Variants in SOX5 observed in about 807,000 individuals in gnomAD.
SOX5 encodes transcription factor SOX-5.
A neutral mutation model predicts 92.0 loss-of-function variants in SOX5; 9 were observed. The observed-to-expected ratio is 0.10, with a 90% CI of 0.06 to 0.17. The LOEUF (loss-of-function observed/expected upper bound fraction) is 0.17. Among genes scored for constraint, SOX5 ranks in the 10% least tolerant of loss-of-function variants. The probability of loss-of-function intolerance (pLI) is 1.00; values close to 1 mark genes in which losing one functional copy is unlikely to be tolerated. For missense variants in SOX5, 642 were observed against 944.5 expected, an observed-to-expected ratio of 0.68 and a Z score of 4.20; for synonymous variants, 344 against 336.3, an observed-to-expected ratio of 1.02 and a Z score of -0.25.
At position 23,534,171 on chromosome 12, in the gene SOX5, G is replaced by C. The variant is rs1054672949; in HGVS notation, c.*48C>G. 1 of 1,515,846 alleles carries C rather than the reference G, an allele frequency of 6.6e-7. No homozygotes were observed. The highest frequency in any genetic ancestry group is 1.7e-5 in the Admixed American group (1 of 58,398). The allele number at this position is 1,515,846 out of a possible 1,614,324, so 93.9% of individuals were successfully genotyped here. The stretch of plus-strand genomic sequence containing the variant: ...CTTGGCCACTGGTAAGGATGAACCA[G>C]TTAGGGCTTCTTTAAGTCCTAAGGT... On this transcript the variant is annotated 3_prime_UTR_variant, in exon 15 of 15. Transcript: ENST00000451604.
intron 1 of SOX5, among the ~76,000 whole-genome samples, chr12:24,476,563 T>C (rs1318025104): frequency 6.6e-6 from 1 of 152,154 alleles, no homozygotes; most frequent in Non-Finnish European, 1.5e-5. Flanking sequence ...AGTGAACCTA[T>C]GTCACTGTAG....
intron 10 of SOX5, among the ~76,000 whole-genome samples, chr12:23,563,712 C>T (rs914058831): frequency 3.3e-5 from 5 of 151,948 alleles, no homozygotes; most frequent in East Asian, 3.8e-4. Context: ...AGTTATTATT[C>T]GAATATTATT....
At position 24,429,353 on chromosome 12, in the gene SOX5, A is replaced by T. The variant is rs74991473; in HGVS notation, c.-250-60714T>A. The stretch of plus-strand genomic sequence containing the variant: ...AAAACAAAAAAACAAAAACAAAACA[A>T]CAACAAAAAAAAGGTGTTGGAATAG... On this transcript the variant is annotated intron_variant, in intron 1 of 4. Transcript: ENST00000446891. Among the ~76,000 whole-genome samples, 697 of 151,824 alleles carry T rather than the reference A, an allele frequency of 4.6e-3. 10 individuals carry two copies. The East Asian group carries it at 0.05, about 11-fold the overall frequency.
At chr12:23,893,384 T>C (rs2097147882) in intron 2 of SOX5, among the ~76,000 whole-genome samples, 1 of 151,722 alleles carries the variant, frequency 6.6e-6, no homozygotes, top group African/African-American at 2.4e-5. Flanking sequence ...AGGTGGAGGT[T>C]GCAGTGAGCT....
chr12:23,664,952 C>T (rs1202567163), intron 7 of SOX5, among the ~76,000 whole-genome samples: 1 of 152,064 alleles, frequency 6.6e-6, no homozygotes, highest in African/African-American at 2.4e-5. Flanking sequence ...AGAAGCACTT[C>T]ACAATATGAA....
Position 23,869,322 on chromosome 12 carries a change from C to G in SOX5, c.271-23129G>C, listed in dbSNP as rs2096848497. 2.0e-5 allele frequency among the ~76,000 whole-genome samples: 3 copies of G among 152,216 alleles called. 1 individual carries two copies. The South Asian group carries it at 6.2e-4, about 32-fold the overall frequency. On this transcript the variant is annotated intron_variant, in intron 2 of 14. Coordinates refer to ENST00000451604, the MANE Select transcript of SOX5 (RefSeq NM_006940.6). ...ATGCTACATAATTTTCACAACATAC[C>G]TAGAATATCTGTTCCTTATTATAAG...
intron 3 of SOX5, among the ~76,000 whole-genome samples, chr12:23,821,531 T>C (rs1310703768): frequency 2.0e-5 from 3 of 152,240 alleles, no homozygotes; most frequent in Admixed American, 2.0e-4. Flanking sequence ...TTCCAGCTTT[T>C]GCCCATTCAG....
chr12:23,725,262 T>A (rs1448881883), intron 6 of SOX5, among the ~76,000 whole-genome samples: 3 of 152,152 alleles, frequency 2.0e-5, no homozygotes, highest in Admixed American at 6.6e-5. Flanking sequence ...TATCCAAGAC[T>A]GAGTAATTTA....
At chr12:23,943,392 A>G (rs1412524661) in intron 1 of SOX5, among the ~76,000 whole-genome samples, 5 of 152,094 alleles carry the variant, frequency 3.3e-5, no homozygotes. Context: ...TTAAGAAAAA[A>G]CGTCATTTAG....
chr12:24,136,706 C>T (rs1950141011), intron 4 of SOX5, among the ~76,000 whole-genome samples: 1 of 152,230 alleles, frequency 6.6e-6, no homozygotes, highest in South Asian at 2.1e-4. Flanking sequence ...AAGAGAATGA[C>T]TTTCCCACTC....
At chr12:23,839,149 C>T (rs1341072557) in intron 3 of SOX5, among the ~76,000 whole-genome samples, 2 of 151,682 alleles carry the variant, frequency 1.3e-5, no homozygotes, top group East Asian at 1.9e-4. Context: ...GTGCCTGGCC[C>T]CCAGTATTTC....
At chr12:23,871,424 T>C (rs959440689) in intron 2 of SOX5, among the ~76,000 whole-genome samples, 9 of 152,132 alleles carry the variant, frequency 5.9e-5, no homozygotes, top group Admixed American at 1.3e-4. Flanking sequence ...CCTGTAAATA[T>C]GAATGAAATG....
At chr12:24,189,206 G>A (rs952468162) in intron 4 of SOX5, among the ~76,000 whole-genome samples, 5 of 152,152 alleles carry the variant, frequency 3.3e-5, no homozygotes, top group Admixed American at 1.3e-4. Context: ...AGCATCCAGA[G>A]TCTCTCCCTG....
At chr12:23,913,470 G>A (rs2097374216) in intron 1 of SOX5, among the ~76,000 whole-genome samples, 1 of 151,968 alleles carries the variant, frequency 6.6e-6, no homozygotes, top group Non-Finnish European at 1.5e-5. Context: ...AGGCACAGTG[G>A]CTCATGCCTG....
At chr12:24,240,048 C>T (rs1965272989) in intron 3 of SOX5, among the ~76,000 whole-genome samples, 1 of 152,064 alleles carries the variant, frequency 6.6e-6, no homozygotes, top group African/African-American at 2.4e-5. Context: ...TAAAGAGATC[C>T]TTAAATGTGA....
chr12:23,991,321 TAAA>T lies in SOX5; in HGVS notation c.-1-95300_-1-95298del, dbSNP rs918055061. The stretch of plus-strand genomic sequence containing the variant: ...AGGCTGCAAGACCTTGTCTCTTTCT[TAAA>T]AAAAAAACAACAACAACAAAAAAAA... On this transcript the variant is annotated intron_variant, in intron 4 of 4. Coordinates refer to the SOX5 transcript ENST00000446891. 8.1e-5 allele frequency among the ~76,000 whole-genome samples: 12 copies of T among 149,028 alleles called. No individual in the cohort carries two copies. In the East Asian group the frequency reaches 1.8e-3, roughly 22 times the overall value.
chr12:24,223,270 G>A (rs142281061), intron 3 of SOX5: 153 of 152,286 alleles, frequency 1.0e-3, no homozygotes, highest in African/African-American at 3.5e-3. Flanking sequence ...GAATAGAAAA[G>A]CAGCATTCTG....
intron 4 of SOX5, among the ~76,000 whole-genome samples, chr12:23,976,184 A>T (rs1235962408): frequency 1.3e-5 from 2 of 152,010 alleles, no homozygotes; most frequent in Non-Finnish European, 2.9e-5. Context: ...TTTCTCCGAG[A>T]TGATTAAAGA....
chr12:24,247,856 G>T (rs1594777686), intron 3 of SOX5, among the ~76,000 whole-genome samples: 2 of 151,910 alleles, frequency 1.3e-5, no homozygotes, highest in Admixed American at 1.3e-4. Flanking sequence ...GTTTCACCAT[G>T]TTGCCCAGGC....
Sources: gnomAD v4.1 joint callset for allele counts (sites outside exome capture counted in the v4.1 genomes callset) on GRCh38, gnomAD v4.1.1 for gene constraint, MANE v1.5 for transcripts, NCBI Gene and HGNC (gene_info 2026-07-23, HGNC 2026-07-21) for gene names.